The following CFAP47 variants were observed in gnomAD, a reference collection of about 807,000 sequenced individuals.
CFAP47 encodes cilia and flagella associated protein 47.
Under a neutral mutation model 148.1 loss-of-function variants are expected in CFAP47, and 29 were observed. That is an observed-to-expected ratio of 0.20 (90% CI 0.15 to 0.27). The LOEUF (loss-of-function observed/expected upper bound fraction) is 0.27. Among genes scored for constraint, CFAP47 ranks in the 10% least tolerant of loss-of-function variants. The pLI is 1.00. For missense variants in CFAP47, 1,872 were observed against 1,697.5 expected, an observed-to-expected ratio of 1.10 and a Z score of -1.81; for synonymous variants, 664 against 577.3, an observed-to-expected ratio of 1.15 and a Z score of -2.15.
At chrX:36,294,506 C>T (rs1941222682) in intron 51 of CFAP47, among the ~76,000 whole-genome samples, 2 of 110,706 alleles carry the variant, frequency 1.8e-5, no homozygotes, top group East Asian at 2.8e-4. Flanking sequence ...GTCAGGAGGT[C>T]GAGACCATCC....
intron 37 of CFAP47, among the ~76,000 whole-genome samples, chrX:36,156,267 A>G (rs1939365529): frequency 9.0e-6 from 1 of 111,049 alleles, no homozygotes; most frequent in South Asian, 3.7e-4. Flanking sequence ...ATAATTATAT[A>G]TTTATGTGTG....
intron 15 of CFAP47, among the ~76,000 whole-genome samples, chrX:35,977,837 A>G (rs1482561944): frequency 9.1e-6 from 1 of 110,158 alleles, no homozygotes; most frequent in African/African-American, 3.3e-5. Flanking sequence ...ATGTGTAGAT[A>G]GAGATTTTGA....
intron 57 of CFAP47, among the ~76,000 whole-genome samples, chrX:36,337,087 C>T (rs182153581): frequency 1.8e-5 from 2 of 112,024 alleles, no homozygotes; most frequent in African/African-American, 6.5e-5. Flanking sequence ...TGTGAGTTTC[C>T]GAGCTAGTCA....
rs946417076 is a variant in CFAP47 at position 35,941,265 on chromosome X, T to C, written c.402-18T>C. ...TGATTGTTAAATTAATTATGTGGCCTTCTTTTCTCCTCCCTAGGTTGATTC... is the reference window on the plus strand; with the variant it reads ...TGATTGTTAAATTAATTATGTGGCCCTCTTTTCTCCTCCCTAGGTTGATTC... On this transcript the variant is annotated intron_variant, in intron 2 of 63. Transcript: ENST00000378653. The C allele has an allele frequency of 6.3e-6, 6 of 948,066 alleles. No individual in the cohort carries two copies. The highest frequency in any genetic ancestry group is 4.4e-6 in the Non-Finnish European group (3 of 677,836). The allele number at this position is 948,066 out of a possible 1,213,427, so 78.1% of individuals were successfully genotyped here.
At chrX:36,234,886 A>T (rs1311907438) in intron 46 of CFAP47, among the ~76,000 whole-genome samples, 1 of 111,435 alleles carries the variant, frequency 9.0e-6, no homozygotes, top group Non-Finnish European at 1.9e-5. Context: ...TCCACTCCAG[A>T]CCCTGTTTGC....
intron 37 of CFAP47, among the ~76,000 whole-genome samples, chrX:36,158,912 T>C (rs1050774869): frequency 3.6e-5 from 4 of 111,802 alleles, no homozygotes; most frequent in Non-Finnish European, 5.6e-5. Context: ...TACTATGTCT[T>C]AGACTGCCAA....
chrX:35,951,913 G>T lies in CFAP47; in HGVS notation c.996G>T (p.Gly332=). 1 of 1,174,658 alleles carries T rather than the reference G, an allele frequency of 8.5e-7. No individual in the cohort carries two copies. The part of the protein sequence containing the change: ...TIIISCLPNE[G]TLQPYQKTVI... The stretch of plus-strand genomic sequence containing the variant: ...TTATCTCCTGTCTTCCTAATGAAGG[G>T]ACTTTACAACCTTATCAAAAGACTG... The change falls in exon 6 of 64, where the codon GGG becomes GGT. Residue 332 remains glycine, a synonymous_variant. Transcript: ENST00000378653.
At chrX:36,225,928 CAA>C (rs1339119364) in intron 45 of CFAP47, among the ~76,000 whole-genome samples, 1 of 111,271 alleles carries the variant, frequency 9.0e-6, no homozygotes, top group African/African-American at 3.3e-5. Flanking sequence ...TAGGAGACTG[CAA>C]AGAGAAGAAA....
At chrX:36,120,624 G>A (rs1938725844) in intron 33 of CFAP47, among the ~76,000 whole-genome samples, 1 of 110,929 alleles carries the variant, frequency 9.0e-6, no homozygotes, top group Non-Finnish European at 1.9e-5. Context: ...TTAATCCACT[G>A]GTCATTGAAA....
intron 8 of CFAP47, among the ~76,000 whole-genome samples, chrX:35,959,899 A>AAAAAAT (rs1936300583): frequency 9.2e-6 from 1 of 109,026 alleles, no homozygotes; most frequent in African/African-American, 3.3e-5. Context: ...AAAAAAAAAA[A>AAAAAAT]AACTATTTGT....
intron 45 of CFAP47, among the ~76,000 whole-genome samples, chrX:36,214,179 T>C (rs1299033714): frequency 8.9e-6 from 1 of 112,173 alleles, no homozygotes; most frequent in Non-Finnish European, 1.9e-5. Flanking sequence ...CTGTACCAAA[T>C]ACTGTAAGCA....
chrX:36,270,028 A>G (rs1307386389), intron 49 of CFAP47, among the ~76,000 whole-genome samples: 1 of 112,160 alleles, frequency 8.9e-6, no homozygotes, highest in Non-Finnish European at 1.9e-5. Context: ...AATGGAGGAT[A>G]TACCACAATA....
rs191133375 is a variant in CFAP47 at position 36,250,469 on chromosome X, A to G, written c.7333-864A>G. Among the ~76,000 whole-genome samples, 387 of 110,926 alleles carry G rather than the reference A, an allele frequency of 3.5e-3. 2 individuals are homozygous for G. The highest frequency in any genetic ancestry group is 5.4e-3 in the Non-Finnish European group (285 of 52,592). ...AAAATTTCAGTTTGATAGAAGAAATAAGTTCAAGAGAATTATTAGAGCTTG... is the reference window on the plus strand; with the variant it reads ...AAAATTTCAGTTTGATAGAAGAAATGAGTTCAAGAGAATTATTAGAGCTTG... On this transcript the variant is annotated intron_variant, in intron 48 of 63. Transcript: ENST00000378653.
intron 57 of CFAP47, among the ~76,000 whole-genome samples, chrX:36,321,387 T>C (rs910975085): frequency 1.8e-5 from 2 of 110,906 alleles, no homozygotes; most frequent in Non-Finnish European, 3.8e-5. Flanking sequence ...TGGGTGGCGG[T>C]GGGGCCATGA....
At chrX:35,925,718 A>G (rs1037416157) in intron 1 of CFAP47, among the ~76,000 whole-genome samples, 3 of 112,150 alleles carry the variant, frequency 2.7e-5, no homozygotes. Flanking sequence ...GTACAATGGC[A>G]CGACCTCGGC....
intron 39 of CFAP47, among the ~76,000 whole-genome samples, chrX:36,175,194 A>G (rs1251455820): frequency 9.1e-6 from 1 of 110,480 alleles, no homozygotes; most frequent in African/African-American, 3.3e-5. Flanking sequence ...TTCTAGTTAT[A>G]CATTCTTCTA....
At chrX:36,326,129 T>C (rs1470112167) in intron 57 of CFAP47, among the ~76,000 whole-genome samples, 1 of 111,536 alleles carries the variant, frequency 9.0e-6, no homozygotes, top group African/African-American at 3.3e-5. Context: ...AGTTCAAATA[T>C]TCTATTCATC....
chrX:36,146,459 C>A (rs989717543), intron 36 of CFAP47, among the ~76,000 whole-genome samples: 1 of 111,468 alleles, frequency 9.0e-6, no homozygotes. Flanking sequence ...AATGCTCATA[C>A]CTAAGATTAT....
chrX:36,127,879 A>G lies in CFAP47; in HGVS notation c.5321-10079A>G, dbSNP rs569006725. ...AATTGTGAATGGCAGTTCACTCATG[A>G]TTTGGTTCTTTGTTTGTCTATTATT... On this transcript the variant is annotated intron_variant, in intron 33 of 63. Transcript: ENST00000378653. 7.2e-5 allele frequency among the ~76,000 whole-genome samples: 8 copies of G among 110,780 alleles called. No homozygotes were observed. The South Asian group carries it at 3.1e-3, about 42-fold the overall frequency.
Sources: allele counts gnomAD v4.1 joint callset (sites outside exome capture counted in the v4.1 genomes callset), GRCh38; gene constraint gnomAD v4.1.1; transcripts MANE v1.5; gene names NCBI Gene and HGNC (gene_info 2026-07-23, HGNC 2026-07-21).